Variants in KIT observed in about 807,000 individuals in gnomAD.
The protein encoded by KIT is KIT proto-oncogene, receptor tyrosine kinase, also known as mast/stem cell growth factor receptor Kit.
KIT carries 16 observed loss-of-function variants against 105.7 expected under a neutral mutation model. That is an observed-to-expected ratio of 0.15 (90% CI 0.10 to 0.23). KIT has a LOEUF of 0.23. KIT is among the 10% of genes least tolerant of loss of function. KIT has a pLI of 1.00. For synonymous variants in KIT, 438 were observed against 441.1 expected, an observed-to-expected ratio of 0.99 and a Z score of 0.09; for missense variants, 858 against 1,213.8, an observed-to-expected ratio of 0.71 and a Z score of 4.36.
At position 54,695,615 on chromosome 4, in the gene KIT, A is replaced by T. The variant is rs755092278; in HGVS notation, c.171A>T (p.Leu57Phe). 6.2e-7 allele frequency: 1 copy of T among 1,614,250 alleles called. No individual in the cohort carries two copies. The highest frequency in any genetic ancestry group is 1.7e-5 in the Admixed American group (1 of 60,032). ...GCGTGGGCGACGAGATTAGGCTGTT[A>T]TGCACTGATCCGGGCTTTGTCAAAT... ...IVRVGDEIRL[L>F]CTDPGFVKWT... Residue 57 changes from leucine to phenylalanine, a missense_variant, in exon 2 of 21, where the codon TTA becomes TTT. Transcript: ENST00000288135.
rs2109794737 is a variant in KIT, at chr4:54,731,860, C to G, written c.2234-11C>G. 1 of 1,613,214 alleles carries G rather than the reference C, an allele frequency of 6.2e-7. No homozygotes were observed. The highest frequency in any genetic ancestry group is 2.2e-5 in the East Asian group (1 of 44,856). ...TTGTAATTGCTAAGAAAAATCCTCT[C>G]TTCCTCACAGGCTCATACATAGAAA... On this transcript the variant is annotated splice_polypyrimidine_tract_variant and intron_variant, in intron 15 of 20. Transcript: ENST00000288135.
intron 8 of KIT, among the ~76,000 whole-genome samples, chr4:54,724,095 A>C (rs1722068743): frequency 6.6e-6 from 1 of 152,250 alleles, no homozygotes; most frequent in Admixed American, 6.5e-5. Context: ...GTTACCAAAA[A>C]GTAATGATCG....
In KIT at chr4:54,739,089, AAAT is replaced by A; in HGVS notation, c.*533_*535del. 1.0e-5 allele frequency: 4 copies of A among 401,344 alleles called. No individual in the cohort carries two copies. The highest frequency in any genetic ancestry group is 1.3e-5 in the Non-Finnish European group (3 of 226,694). The allele number at this position is 401,344 out of a possible 1,614,324, so 24.9% of individuals were successfully genotyped here. A position where few individuals can be genotyped will look rare whatever the true frequency, so the allele number is the denominator to read the frequency against. On this transcript the variant is annotated 3_prime_UTR_variant, in exon 21 of 21. Transcript: ENST00000288135. Reference sequence around the variant, plus strand: ...GGGAATGAGACATAGGCCATGAAAAAAATGATCCCCAAGTGTGAACAAAAGATG... The same window carrying A: ...GGGAATGAGACATAGGCCATGAAAAAGATCCCCAAGTGTGAACAAAAGATG...
intron 1 of KIT, among the ~76,000 whole-genome samples, chr4:54,686,811 C>A (rs577508575): frequency 6.6e-6 from 1 of 152,268 alleles, no homozygotes; most frequent in South Asian, 2.1e-4. Flanking sequence ...TCCCAAAGTG[C>A]TAAGATTACA....
At chr4:54,710,231 G>C (rs1233388208) in intron 7 of KIT, among the ~76,000 whole-genome samples, 1 of 152,198 alleles carries the variant, frequency 6.6e-6, no homozygotes, top group Admixed American at 6.5e-5. Flanking sequence ...GCCAAGTGCA[G>C]GGCTTCTTCC....
chr4:54,706,860 A>G (rs1720822129), intron 5 of KIT, among the ~76,000 whole-genome samples: 1 of 152,340 alleles, frequency 6.6e-6, no homozygotes, highest in African/African-American at 2.4e-5. Context: ...GATCTTTAAG[A>G]GAATTGCTTA....
rs959280429 is a variant in KIT, at chr4:54,740,426, A to C, written c.*1869A>C. ...TTGTCTTGGATATTCTTGAAAGTTT[A>C]TATTTTTATAATTTTTTCTTACATC... is the stretch of plus-strand genomic sequence containing the variant. On this transcript the variant is annotated 3_prime_UTR_variant, in exon 21 of 21. Coordinates refer to ENST00000288135, the MANE Select transcript of KIT (RefSeq NM_000222.3). 8.6e-6 allele frequency: 2 copies of C among 233,376 alleles called. No homozygotes were observed. Among genetic ancestry groups the C allele is most frequent in the Non-Finnish European group, 8.5e-6 (1 of 117,898 alleles). 14.5% of individuals were successfully genotyped at this position (233,376 alleles called of 1,614,324 possible).
At position 54,661,070 on chromosome 4, in the gene KIT, T is replaced by G. The variant is rs541956465; in HGVS notation, c.67+2989T>G. 2.9e-3 allele frequency among the ~76,000 whole-genome samples: 436 copies of G among 152,294 alleles called. 5 individuals are homozygous for G. The highest frequency in any genetic ancestry group is 1.0e-2 in the African/African-American group (415 of 41,560). ...TTAGTTGTTAGCTATCTCATTCCAGTTAGCGTCCCTCAGAAATGAAGGTAA... is the reference window on the plus strand; with the variant it reads ...TTAGTTGTTAGCTATCTCATTCCAGGTAGCGTCCCTCAGAAATGAAGGTAA... On this transcript the variant is annotated intron_variant, in intron 1 of 20. Transcript: ENST00000288135.
intron 17 of KIT, among the ~76,000 whole-genome samples, chr4:54,734,351 C>T (rs1429993612): frequency 6.6e-6 from 1 of 152,144 alleles, no homozygotes; most frequent in Non-Finnish European, 1.5e-5. Context: ...TTGTTTTTCT[C>T]CCCTTGGGAA....
chr4:54,660,370 C>G (rs1303271753), intron 1 of KIT, among the ~76,000 whole-genome samples: 2 of 152,266 alleles, frequency 1.3e-5, no homozygotes, highest in East Asian at 3.9e-4. Context: ...CGTTTCGTTC[C>G]TGCAGGTGTG....
intron 1 of KIT, among the ~76,000 whole-genome samples, chr4:54,682,534 T>TCCTCCTCCCTCAG (rs1719013453): frequency 6.6e-6 from 1 of 152,034 alleles, no homozygotes; most frequent in South Asian, 2.1e-4. Context: ...GTTCAAGTGA[T>TCCTCCTCCCTCAG]CCTCCTCCCT....
chr4:54,721,266 G>C lies in KIT; in HGVS notation c.1232-2318G>C, dbSNP rs539952571. On this transcript the variant is annotated intron_variant, in intron 7 of 20. Transcript: ENST00000288135. ...ACCAGCTTGGCATCAGAGAGTTTAGGCTTGCTTAGAAAAGGAGGTGACACT... is the reference window on the plus strand; with the variant it reads ...ACCAGCTTGGCATCAGAGAGTTTAGCCTTGCTTAGAAAAGGAGGTGACACT... Among the ~76,000 whole-genome samples the C allele has an allele frequency of 3.9e-5, 6 of 152,290 alleles. No homozygotes were observed. In the East Asian group the frequency reaches 9.6e-4, roughly 24 times the overall value.
chr4:54,692,020 G>T (rs115563838), intron 1 of KIT, among the ~76,000 whole-genome samples: 2,289 of 152,270 alleles, frequency 0.015, 64 homozygotes, highest in African/African-American at 0.052. Flanking sequence ...GAATAAGTGT[G>T]CCTAACATTT....
At chr4:54,675,319 T>A (rs1050850803) in intron 1 of KIT, among the ~76,000 whole-genome samples, 2 of 152,200 alleles carry the variant, frequency 1.3e-5, no homozygotes, top group South Asian at 4.1e-4. Context: ...AGTAAGATTG[T>A]TTTTAGACAT....
intron 8 of KIT, among the ~76,000 whole-genome samples, chr4:54,725,392 A>G (rs1392758520): frequency 6.6e-6 from 1 of 152,168 alleles, no homozygotes; most frequent in Non-Finnish European, 1.5e-5. Flanking sequence ...GGTGTGAGCT[A>G]CTGCGCCCGG....
intron 6 of KIT, among the ~76,000 whole-genome samples, chr4:54,708,142 G>T (rs942832872): frequency 3.3e-5 from 5 of 152,196 alleles, no homozygotes; most frequent in African/African-American, 1.2e-4. Flanking sequence ...CCTTTAGGTT[G>T]GGTGGTGAGA....
chr4:54,710,293 C>T (rs1395352131), intron 7 of KIT, among the ~76,000 whole-genome samples: 1 of 152,204 alleles, frequency 6.6e-6, no homozygotes, highest in Non-Finnish European at 1.5e-5. Flanking sequence ...CCTCCCACAC[C>T]ATACCTGCTA....
chr4:54,672,481 G>T (rs1718181085), intron 1 of KIT, among the ~76,000 whole-genome samples: 1 of 152,014 alleles, frequency 6.6e-6, no homozygotes, highest in Admixed American at 6.6e-5. Context: ...TGCTGTTTTT[G>T]TGGGGGCTAT....
intron 1 of KIT, among the ~76,000 whole-genome samples, chr4:54,664,436 A>C (rs1313383202): frequency 1.3e-5 from 2 of 152,114 alleles, no homozygotes; most frequent in African/African-American, 4.8e-5. Flanking sequence ...ATACTAGTCC[A>C]GGGCTGCCTG....
Sources: allele counts gnomAD v4.1 joint callset (sites outside exome capture counted in the v4.1 genomes callset), GRCh38; gene constraint gnomAD v4.1.1; transcripts MANE v1.5; gene names NCBI Gene and HGNC (gene_info 2026-07-23, HGNC 2026-07-21).